RAP1GAP2: variants seen among roughly 807,000 people sequenced by gnomAD.
RAP1GAP2 encodes RAP1 GTPase activating protein 2, also known as rap1 GTPase-activating protein 2.
A neutral mutation model predicts 95.0 loss-of-function variants in RAP1GAP2; 27 were observed. The ratio of observed to expected loss-of-function variants is 0.28; its 90% CI spans 0.21 to 0.39. The LOEUF is 0.39. Among genes scored for constraint, RAP1GAP2 ranks in the 10% least tolerant of loss-of-function variants. RAP1GAP2 has a pLI of 1.00. For synonymous variants in RAP1GAP2, 373 were observed against 380.9 expected, an observed-to-expected ratio of 0.98 and a Z score of 0.24; for missense variants, 771 against 970.0, an observed-to-expected ratio of 0.79 and a Z score of 2.72.
intron 12 of RAP1GAP2, among the ~76,000 whole-genome samples, chr17:2,993,662 G>C (rs180957947): frequency 6.6e-6 from 1 of 152,046 alleles, no homozygotes; most frequent in Non-Finnish European, 1.5e-5. Context: ...AGCTAGTCAC[G>C]ATTGTTATTG....
rs140424522 is a variant in RAP1GAP2, at chr17:3,021,681, C to T, written c.1751+1086C>T. On this transcript the variant is annotated intron_variant, in intron 19 of 24. Coordinates refer to ENST00000254695, the MANE Select transcript of RAP1GAP2 (RefSeq NM_015085.5). ...AACTCCTGACCTCAAGTGATCCACC[C>T]GCCTTGGCCTCCCAAAGTGTTGGGA... Among the ~76,000 whole-genome samples the T allele has an allele frequency of 6.8e-3, 1,041 of 152,290 alleles. 11 individuals are homozygous for T. Among genetic ancestry groups the T allele is most frequent in the African/African-American group, 0.024 (994 of 41,554 alleles).
intron 1 of RAP1GAP2, among the ~76,000 whole-genome samples, chr17:2,767,554 C>A (rs1451254105): frequency 6.6e-6 from 1 of 150,790 alleles, no homozygotes; most frequent in Non-Finnish European, 1.5e-5. Flanking sequence ...AGTATGAATT[C>A]CCACTTTATT....
At chr17:2,942,099 G>A (rs1158221382) in intron 3 of RAP1GAP2, among the ~76,000 whole-genome samples, 2 of 152,142 alleles carry the variant, frequency 1.3e-5, no homozygotes, top group Non-Finnish European at 2.9e-5. Flanking sequence ...AGACATGCAC[G>A]TGAGATGCTG....
Position 2,825,287 on chromosome 17 carries a change from C to T in RAP1GAP2, c.80+24737C>T, listed in dbSNP as rs949804360. Among the ~76,000 whole-genome samples the T allele has an allele frequency of 1.6e-4, 24 of 152,126 alleles. No homozygotes were observed. The highest frequency in any genetic ancestry group is 4.1e-4 in the African/African-American group (17 of 41,518). ...CAGCAGCATCTCTCCAGCCTGTCTC[C>T]GCAGGGTTGTTTTTGGCTCATGATT... is the stretch of plus-strand genomic sequence containing the variant. On this transcript the variant is annotated intron_variant, in intron 2 of 24. Coordinates refer to ENST00000254695, the MANE Select transcript of RAP1GAP2 (RefSeq NM_015085.5). The surrounding 1 kb of genome is among the most constrained non-coding windows in gnomAD (Gnocchi z 4.1).
At chr17:2,864,017 A>C (rs1234654614) in intron 2 of RAP1GAP2, among the ~76,000 whole-genome samples, 1 of 151,264 alleles carries the variant, frequency 6.6e-6, no homozygotes, top group Non-Finnish European at 1.5e-5. Context: ...GCGCCACTGC[A>C]CTCCATCCTG....
rs536611697 is a variant in RAP1GAP2, at chr17:2,814,708, C to A, written c.80+14158C>A. Among the ~76,000 whole-genome samples, 203 of 152,192 alleles carry A rather than the reference C, an allele frequency of 1.3e-3. 2 individuals carry two copies. The highest frequency in any genetic ancestry group is 4.6e-3 in the African/African-American group (192 of 41,528). ...CCCTACCTTGGGTTGAGCTGTGAAC[C>A]AGTAGGTTACCGCAGTGTGGTACCA... On this transcript the variant is annotated intron_variant, in intron 2 of 24. Coordinates refer to ENST00000254695, the MANE Select transcript of RAP1GAP2 (RefSeq NM_015085.5).
At chr17:2,939,666 A>G (rs2043418714) in intron 3 of RAP1GAP2, among the ~76,000 whole-genome samples, 1 of 152,176 alleles carries the variant, frequency 6.6e-6, no homozygotes, top group South Asian at 2.1e-4. Context: ...GCGGGCCAGC[A>G]GTGTTGAGAA....
chr17:2,828,654 A>G (rs749076854), intron 2 of RAP1GAP2, among the ~76,000 whole-genome samples: 36 of 152,152 alleles, frequency 2.4e-4, no homozygotes, highest in Non-Finnish European at 3.7e-4. Context: ...CTGGGAGAGC[A>G]GGTGGGGCCG....
chr17:2,943,984 T>TA (rs1457152188), intron 3 of RAP1GAP2, among the ~76,000 whole-genome samples: 8 of 151,664 alleles, frequency 5.3e-5, no homozygotes, highest in East Asian at 1.9e-4. Context: ...CAGTCTCTAC[T>TA]AAAATACAAA....
At chr17:2,832,551 C>G (rs1260433394) in intron 2 of RAP1GAP2, among the ~76,000 whole-genome samples, 1 of 125,900 alleles carries the variant, frequency 7.9e-6, no homozygotes, top group Admixed American at 8.1e-5. Flanking sequence ...GAGCGAGACT[C>G]CATCTCAAAA....
At chr17:2,805,675 A>G (rs1476658112) in intron 2 of RAP1GAP2, among the ~76,000 whole-genome samples, 1 of 151,940 alleles carries the variant, frequency 6.6e-6, no homozygotes. Context: ...ACCTGGCCAA[A>G]ACCTCTGCTC....
chr17:2,928,030 T>C (rs2043024482), intron 3 of RAP1GAP2, among the ~76,000 whole-genome samples: 1 of 151,346 alleles, frequency 6.6e-6, no homozygotes, highest in Admixed American at 6.6e-5. Flanking sequence ...AGCTATGACC[T>C]TGGTTTTGTT....
upstream of RAP1GAP2, among the ~76,000 whole-genome samples, chr17:2,795,126 C>T (rs1282802091): frequency 2.6e-5 from 4 of 151,708 alleles, no homozygotes; most frequent in African/African-American, 7.3e-5. Flanking sequence ...GATCCACCCG[C>T]GTTGGCCTCC....
intron 1 of RAP1GAP2, among the ~76,000 whole-genome samples, chr17:2,781,972 T>C (rs2068672998): frequency 6.6e-6 from 1 of 152,194 alleles, no homozygotes; most frequent in South Asian, 2.1e-4. Flanking sequence ...GTGTGTGCAC[T>C]GTTGTGTGCT....
At chr17:2,893,742 G>C (rs2073796048) in intron 2 of RAP1GAP2, among the ~76,000 whole-genome samples, 1 of 152,248 alleles carries the variant, frequency 6.6e-6, no homozygotes, top group Non-Finnish European at 1.5e-5. Flanking sequence ...GTGCCAGGCA[G>C]AGCCGCTGAC....
At chr17:3,015,544 C>T (rs968718521) in intron 17 of RAP1GAP2, among the ~76,000 whole-genome samples, 6 of 152,104 alleles carry the variant, frequency 3.9e-5, no homozygotes, top group Admixed American at 1.3e-4. Flanking sequence ...CAAGGCTGGG[C>T]GTGGTGGCTC....
intron 2 of RAP1GAP2, among the ~76,000 whole-genome samples, chr17:2,802,801 G>A (rs1270683518): frequency 6.6e-6 from 1 of 152,140 alleles, no homozygotes; most frequent in Non-Finnish European, 1.5e-5. Flanking sequence ...TAGAGATGAA[G>A]CAGGATAGTA....
chr17:2,850,592 C>CA lies in RAP1GAP2; in HGVS notation c.80+50050dup, dbSNP rs1408400803. Among the ~76,000 whole-genome samples the CA allele has an allele frequency of 6.1e-5, 9 of 148,406 alleles. No homozygotes were observed. The East Asian group carries it at 1.0e-3, about 17-fold the overall frequency. ...TGAAACCCCGTCTCTACTAAAAATA[C>CA]AAAAAAAACTAGCCGGGCATGGTGG... On this transcript the variant is annotated intron_variant, in intron 2 of 24. Transcript: ENST00000254695.
intron 2 of RAP1GAP2, among the ~76,000 whole-genome samples, chr17:2,887,961 G>T (rs79473877): frequency 1.3e-5 from 2 of 152,224 alleles, no homozygotes; most frequent in Admixed American, 6.5e-5. Flanking sequence ...AGTGTGAACC[G>T]CTGCGCCTGG....
Sources: allele counts gnomAD v4.1 joint callset (sites outside exome capture counted in the v4.1 genomes callset), GRCh38; gene constraint gnomAD v4.1.1; non-coding constraint Gnocchi (gnomAD v3.1); transcripts MANE v1.5; gene names NCBI Gene and HGNC (gene_info 2026-07-23, HGNC 2026-07-21).